The following SERAC1 variants were observed in gnomAD, a reference collection of about 807,000 sequenced individuals.
SERAC1 encodes the protein protein SERAC1.
Under a neutral mutation model 85.7 loss-of-function variants are expected in SERAC1, and 36 were observed. The ratio of observed to expected loss-of-function variants is 0.42; its 90% CI spans 0.32 to 0.55. The LOEUF (loss-of-function observed/expected upper bound fraction) is 0.55, where lower values mean the gene tolerates loss of function less well. Among genes scored for constraint, SERAC1 ranks in the 20% least tolerant of loss-of-function variants. SERAC1 has a pLI of 0.11. For missense variants in SERAC1, 629 were observed against 796.2 expected, an observed-to-expected ratio of 0.79 and a Z score of 2.53; for synonymous variants, 242 against 265.3, an observed-to-expected ratio of 0.91 and a Z score of 0.85.
In SERAC1 at chr6:158,111,166, T is replaced by C. The variant is rs1235446177; in HGVS notation, c.*200A>G. The C allele has an allele frequency of 1.7e-5, 7 of 419,490 alleles. No homozygotes were observed. Among genetic ancestry groups the C allele is most frequent in the East Asian group, 3.9e-5 (1 of 25,958 alleles). The allele number at this position is 419,490 out of a possible 1,614,324, so 26.0% of individuals were successfully genotyped here. On this transcript the variant is annotated 3_prime_UTR_variant, in exon 17 of 17. Coordinates refer to ENST00000647468, the MANE Select transcript of SERAC1 (RefSeq NM_032861.4). ...CACCAAAGGGGCCCAATCCAGCCCTTCCTTCTGTGCCTGCCACTTCCGGGT... is the reference window on the plus strand; with the variant it reads ...CACCAAAGGGGCCCAATCCAGCCCTCCCTTCTGTGCCTGCCACTTCCGGGT...
At chr6:158,133,378 A>ATTTT (rs767768720) in intron 8 of SERAC1, among the ~76,000 whole-genome samples, 6 of 66,386 alleles carry the variant, frequency 9.0e-5, no homozygotes, top group Non-Finnish European at 9.9e-5. Context: ...TCTGGTGTTA[A>ATTTT]TTTTTTTTTT....
intron 3 of SERAC1, among the ~76,000 whole-genome samples, chr6:158,153,998 TAAC>T (rs1785266019): frequency 1.4e-5 from 2 of 142,802 alleles, no homozygotes; most frequent in Admixed American, 7.7e-5. Flanking sequence ...ATAATAATAA[TAAC>T]AATAATAATA....
intron 8 of SERAC1, among the ~76,000 whole-genome samples, chr6:158,137,112 C>G (rs895113182): frequency 2.7e-5 from 4 of 149,960 alleles, no homozygotes; most frequent in African/African-American, 9.8e-5. Flanking sequence ...GAGCCGAGAT[C>G]AAGCCACTGC....
intron 1 of SERAC1, among the ~76,000 whole-genome samples, chr6:158,160,003 C>G (rs1199341745): frequency 6.6e-6 from 1 of 152,156 alleles, no homozygotes; most frequent in African/African-American, 2.4e-5. Context: ...ATATATCATA[C>G]AAGCTTATTC....
intron 8 of SERAC1, among the ~76,000 whole-genome samples, chr6:158,138,241 T>G (rs1176334160): frequency 1.3e-5 from 2 of 152,094 alleles, no homozygotes; most frequent in African/African-American, 2.4e-5. Flanking sequence ...GAGACCAGCC[T>G]GACCAACATG....
Position 158,143,347 on chromosome 6 carries a change from CTA to C in SERAC1, c.610-165_610-164del, listed in dbSNP as rs753604114. ...TCTCTCTCTCTCTCTCTCTCTCTCTCTATATATATATATATATATATATATAT... is the reference window on the plus strand; with the variant it reads ...TCTCTCTCTCTCTCTCTCTCTCTCTCTATATATATATATATATATATATAT... On this transcript the variant is annotated intron_variant, in intron 7 of 16. Coordinates refer to ENST00000647468, the MANE Select transcript of SERAC1 (RefSeq NM_032861.4). Among the ~76,000 whole-genome samples the C allele has an allele frequency of 0.037, 1,705 of 46,096 alleles. 14 individuals carry two copies. Among genetic ancestry groups the C allele is most frequent in the African/African-American group, 0.082 (754 of 9,246 alleles). 30.2% of individuals were successfully genotyped at this position (46,096 alleles called of 152,430 possible). A position where few individuals can be genotyped will look rare whatever the true frequency, so the allele number is the denominator to read the frequency against.
In SERAC1 at chr6:158,156,946, A is replaced by ATG. The variant is rs1562460014; in HGVS notation, c.91+1326_91+1327insCA. ...TATTAATATATTTATATAGATATTA[A>ATG]TATATTTATATAAATATTAATATAT... On this transcript the variant is annotated intron_variant, in intron 2 of 16. Coordinates refer to ENST00000647468, the MANE Select transcript of SERAC1 (RefSeq NM_032861.4). 2.4e-3 allele frequency among the ~76,000 whole-genome samples: 330 copies of ATG among 136,934 alleles called. 16 individuals are homozygous for ATG. Among genetic ancestry groups the ATG allele is most frequent in the African/African-American group, 4.2e-3 (155 of 36,768 alleles). The allele number at this position is 136,934 out of a possible 152,430, so 89.8% of individuals were successfully genotyped here.
chr6:158,149,442 C>G (rs1376567500), intron 4 of SERAC1, among the ~76,000 whole-genome samples: 1 of 152,170 alleles, frequency 6.6e-6, no homozygotes, highest in Admixed American at 6.5e-5. Context: ...ACAGAGCTCT[C>G]AATTCCAAAA....
chr6:158,129,272 T>C (rs1784614930), intron 9 of SERAC1, among the ~76,000 whole-genome samples: 2 of 152,230 alleles, frequency 1.3e-5, no homozygotes, highest in Non-Finnish European at 2.9e-5. Context: ...TTGTGGTCAG[T>C]TCCTAATTTC....
chr6:158,114,688 T>TTATATAATGAGATAATACATTCAAGGAA, intron 15 of SERAC1, 101 bp downstream of exon 15: 2 of 1,434,952 alleles, frequency 1.4e-6, no homozygotes, highest in Non-Finnish European at 1.9e-6. Flanking sequence ...TATATACAAA[T>TTATATAATGAGATAATACATTCAAGGAA]TATAAAATGA....
chr6:158,138,322 C>G, intron 8 of SERAC1, among the ~76,000 whole-genome samples: 1 of 151,212 alleles, frequency 6.6e-6, no homozygotes, highest in East Asian at 1.9e-4. Flanking sequence ...GTAGTCCCAG[C>G]TAGTCGGGAG....
rs60850749 is a variant in SERAC1 at position 158,138,435 on chromosome 6, C to CAA, written c.738+4619_738+4620dup. 4.6e-3 allele frequency among the ~76,000 whole-genome samples: 335 copies of CAA among 72,602 alleles called. 3 individuals carry two copies. Among genetic ancestry groups the CAA allele is most frequent in the African/African-American group, 5.9e-3 (104 of 17,600 alleles). 47.6% of individuals were successfully genotyped at this position (72,602 alleles called of 152,430 possible). Reference sequence around the variant, plus strand: ...GGGTGACAAGAGGGAGACTCTGTCTCAAAAAAAAAAAAAAAAAAAAAAGGT... The same window carrying CAA: ...GGGTGACAAGAGGGAGACTCTGTCTCAAAAAAAAAAAAAAAAAAAAAAAAGGT... On this transcript the variant is annotated intron_variant, in intron 8 of 16. Transcript: ENST00000647468.
At chr6:158,111,895 A>T (rs1027595464) in intron 16 of SERAC1, 1 of 158,440 alleles carries the variant, frequency 6.3e-6, no homozygotes, top group African/African-American at 2.4e-5. Flanking sequence ...CTCACATGGG[A>T]TCCATTCTAT....
intron 9 of SERAC1, among the ~76,000 whole-genome samples, chr6:158,129,892 C>A (rs1784632464): frequency 6.6e-6 from 1 of 152,048 alleles, no homozygotes. Context: ...GACGGAGTTT[C>A]ACCATGTTGG....
intron 16 of SERAC1, 59 bp downstream of exon 16, chr6:158,113,390 A>T: frequency 6.9e-7 from 1 of 1,447,698 alleles, no homozygotes; most frequent in Non-Finnish European, 9.5e-7. Flanking sequence ...GCTGTTTACA[A>T]GTAAATGCTA....
intron 14 of SERAC1, 87 bp from the exon 15 acceptor site, chr6:158,115,058 T>C: frequency 7.3e-7 from 1 of 1,368,008 alleles, no homozygotes; most frequent in South Asian, 1.4e-5. Context: ...AAACAAGAAA[T>C]ACATAAAAAG....
At chr6:158,154,183 ATCC>A (rs1390264283) in intron 3 of SERAC1, among the ~76,000 whole-genome samples, 1 of 150,404 alleles carries the variant, frequency 6.6e-6, no homozygotes, top group Non-Finnish European at 1.5e-5. Flanking sequence ...AAAAAAAAGA[ATCC>A]TCTGCTCTCT....
intron 3 of SERAC1, 101 bp from the exon 4 acceptor site, chr6:158,150,690 T>A: frequency 1.2e-6 from 1 of 824,482 alleles, no homozygotes; most frequent in Non-Finnish European, 2.0e-6. Flanking sequence ...TTCTTTTTTG[T>A]TGGGAAACAT....
rs1784104602 is a variant in SERAC1, at chr6:158,109,990, A to C, written c.*1376T>G. ...GTGTTTACCGCAGGCTTGGGAAAGCAGAGGTGGGAACTGACTGCTCATGGG... is the reference window on the plus strand; with the variant it reads ...GTGTTTACCGCAGGCTTGGGAAAGCCGAGGTGGGAACTGACTGCTCATGGG... On this transcript the variant is annotated 3_prime_UTR_variant, in exon 17 of 17. Transcript: ENST00000647468. 1 of 152,254 alleles carries C rather than the reference A, an allele frequency of 6.6e-6. No homozygotes were observed. Among genetic ancestry groups the C allele is most frequent in the Non-Finnish European group, 1.5e-5 (1 of 68,060 alleles). The allele number at this position is 152,254 out of a possible 1,614,324, so 9.4% of individuals were successfully genotyped here.
Sources: gnomAD v4.1 joint callset for allele counts (sites outside exome capture counted in the v4.1 genomes callset) on GRCh38, gnomAD v4.1.1 for gene constraint, MANE v1.5 for transcripts, NCBI Gene and HGNC (gene_info 2026-07-23, HGNC 2026-07-21) for gene names.